Variants in THADA observed in about 807,000 individuals in gnomAD.
THADA encodes the protein tRNA (32-2'-O)-methyltransferase regulator THADA.
Under a neutral mutation model 219.8 loss-of-function variants are expected in THADA, and 213 were observed. The ratio of observed to expected loss-of-function variants is 0.97; its 90% CI spans 0.87 to 1.09. THADA has a LOEUF of 1.09. Among genes scored for constraint, THADA ranks in the 50% least tolerant of loss-of-function variants. THADA has a pLI of 0.00. For missense variants in THADA, 2,956 were observed against 2,311.3 expected, an observed-to-expected ratio of 1.28 and a Z score of -5.72; for synonymous variants, 1,018 against 828.9, an observed-to-expected ratio of 1.23 and a Z score of -3.92.
At chr2:43,530,084 C>T (rs1338627037) in intron 21 of THADA, among the ~76,000 whole-genome samples, 1 of 152,012 alleles carries the variant, frequency 6.6e-6, no homozygotes, top group Non-Finnish European at 1.5e-5. Context: ...ATAAGTGATA[C>T]ACATGGAGAA....
At chr2:43,498,799 T>C in intron 25 of THADA, 34 bp downstream of exon 25, 1 of 1,602,734 alleles carries the variant, frequency 6.2e-7, no homozygotes, top group Non-Finnish European at 8.5e-7. Context: ...GAAGCATAAT[T>C]AAATCAATGA....
Position 43,586,688 on chromosome 2 carries a change from A to C in THADA, c.484+14T>G. ...CCATCAACTCATGGAACAAAATAAAATAATAGGACTTACCATTTTTAAGCA... is the reference window on the plus strand; with the variant it reads ...CCATCAACTCATGGAACAAAATAAACTAATAGGACTTACCATTTTTAAGCA... On this transcript the variant is annotated intron_variant, in intron 6 of 37. Coordinates refer to ENST00000405975, the MANE Select transcript of THADA (RefSeq NM_022065.5). The C allele has an allele frequency of 6.2e-7, 1 of 1,604,050 alleles. No individual in the cohort carries two copies.
intron 28 of THADA, among the ~76,000 whole-genome samples, chr2:43,404,359 ATTTTCTTTTTC>A (rs1194530635): frequency 6.9e-6 from 1 of 145,248 alleles, no homozygotes; most frequent in Non-Finnish European, 1.5e-5. Flanking sequence ...GGCCTAGCTA[ATTTTCTTTTTC>A]TTTTCTTTTT....
At chr2:43,249,671 T>C (rs1020556152) in intron 36 of THADA, among the ~76,000 whole-genome samples, 1 of 152,212 alleles carries the variant, frequency 6.6e-6, no homozygotes, top group Non-Finnish European at 1.5e-5. Context: ...CAGCCATGGG[T>C]ATTTTAGGCT....
intron 28 of THADA, among the ~76,000 whole-genome samples, chr2:43,423,353 T>C (rs1425621216): frequency 6.6e-6 from 1 of 152,196 alleles, no homozygotes; most frequent in Non-Finnish European, 1.5e-5. Context: ...ACTTGGACTT[T>C]CCAGCATTTG....
intron 32 of THADA, 51 bp downstream of exon 32, chr2:43,292,783 C>T: frequency 6.4e-7 from 1 of 1,566,036 alleles, no homozygotes; most frequent in Non-Finnish European, 8.6e-7. Flanking sequence ...CAGTGGCTCA[C>T]AAAAGAATGT....
chr2:43,569,494 T>C (rs1574301215), intron 14 of THADA, among the ~76,000 whole-genome samples: 1 of 152,208 alleles, frequency 6.6e-6, no homozygotes, highest in East Asian at 1.9e-4. Flanking sequence ...AACCCATGTC[T>C]TTAAAGTTCA....
intron 26 of THADA, among the ~76,000 whole-genome samples, chr2:43,478,152 C>CAAAAATAGTATATACAAAAGTATAT (rs1174154803): frequency 2.0e-5 from 3 of 152,020 alleles, no homozygotes; most frequent in Non-Finnish European, 4.4e-5. Flanking sequence ...TTGTATATAC[C>CAAAAATAGTATATACAAAAGTATAT]AGGATGCCAA....
intron 10 of THADA, among the ~76,000 whole-genome samples, chr2:43,576,120 T>C (rs531197019): frequency 4.7e-4 from 72 of 152,320 alleles, no homozygotes; most frequent in African/African-American, 1.6e-3. Context: ...AAAGAGAATA[T>C]TAAAAATTAA....
intron 29 of THADA, among the ~76,000 whole-genome samples, chr2:43,361,442 C>T (rs777518180): frequency 2.8e-4 from 43 of 152,238 alleles, no homozygotes; most frequent in Non-Finnish European, 5.4e-4. Flanking sequence ...TGTGGTGCAA[C>T]TGACGGCATC....
At chr2:43,521,372 T>C (rs558965170) in intron 22 of THADA, among the ~76,000 whole-genome samples, 1 of 152,226 alleles carries the variant, frequency 6.6e-6, no homozygotes, top group South Asian at 2.1e-4. Context: ...CTGGCCAACA[T>C]GGCGAAACCC....
intron 29 of THADA, among the ~76,000 whole-genome samples, chr2:43,365,916 A>C (rs1247651195): frequency 3.3e-5 from 5 of 152,224 alleles, no homozygotes; most frequent in African/African-American, 1.2e-4. Context: ...CAAGGGAGAT[A>C]ATCTCAACTT....
intron 29 of THADA, among the ~76,000 whole-genome samples, chr2:43,359,449 G>A (rs1669243863): frequency 6.6e-6 from 1 of 152,246 alleles, no homozygotes; most frequent in Non-Finnish European, 1.5e-5. Context: ...GGAGGCTGAG[G>A]CGGGCAGATC....
At chr2:43,503,546 G>C (rs1039524526) in intron 24 of THADA, among the ~76,000 whole-genome samples, 2 of 152,106 alleles carry the variant, frequency 1.3e-5, no homozygotes, top group Non-Finnish European at 2.9e-5. Context: ...GAATAAACGG[G>C]AATGAGATGT....
At chr2:43,407,715 T>C (rs1294076973) in intron 28 of THADA, among the ~76,000 whole-genome samples, 6 of 152,142 alleles carry the variant, frequency 3.9e-5, no homozygotes, top group Non-Finnish European at 7.4e-5. Flanking sequence ...GAAGTGAAGG[T>C]AGGAATATTT....
intron 29 of THADA, among the ~76,000 whole-genome samples, chr2:43,365,259 T>C (rs188905787): frequency 6.6e-6 from 1 of 152,100 alleles, no homozygotes; most frequent in East Asian, 1.9e-4. Flanking sequence ...TCTCCCTATA[T>C]AGAGTACAGA....
intron 31 of THADA, among the ~76,000 whole-genome samples, chr2:43,303,116 T>G (rs1254781715): frequency 3.3e-5 from 5 of 152,162 alleles, no homozygotes; most frequent in South Asian, 4.1e-4. Context: ...GCATAACTAT[T>G]AGGAACCTCT....
chr2:43,334,756 CAG>C (rs1666206657), intron 30 of THADA, among the ~76,000 whole-genome samples: 1 of 150,472 alleles, frequency 6.6e-6, no homozygotes, highest in African/African-American at 2.4e-5. Context: ...GCCTGGGCGA[CAG>C]AGCGAGACTC....
chr2:43,515,126 T>A (rs1293421954), intron 22 of THADA, among the ~76,000 whole-genome samples: 232 of 3,672 alleles, frequency 0.063, 7 homozygotes, highest in Non-Finnish European at 0.086. Context: ...TATAATATAT[T>A]TTATATATAA....
Sources: gnomAD v4.1 joint callset for allele counts (sites outside exome capture counted in the v4.1 genomes callset) on GRCh38, gnomAD v4.1.1 for gene constraint, MANE v1.5 for transcripts, NCBI Gene and HGNC (gene_info 2026-07-23, HGNC 2026-07-21) for gene names.